PRKCI: variants seen among roughly 807,000 people sequenced by gnomAD.
PRKCI encodes the protein protein kinase C iota.
PRKCI carries 43 observed loss-of-function variants against 84.0 expected under a neutral mutation model. The observed-to-expected ratio is 0.51, with a 90% CI of 0.40 to 0.66. The LOEUF is 0.66. Ranked by LOEUF, PRKCI falls within the 30% of genes least tolerant of loss-of-function variation. The probability of loss-of-function intolerance (pLI) is 0.00; values close to 1 mark genes in which losing one functional copy is unlikely to be tolerated. For synonymous variants in PRKCI, 216 were observed against 234.4 expected, an observed-to-expected ratio of 0.92 and a Z score of 0.72; for missense variants, 459 against 745.6, an observed-to-expected ratio of 0.62 and a Z score of 4.48.
In PRKCI at chr3:170,281,163, T is replaced by C. The variant is rs1734233215; in HGVS notation, c.883-3T>C. On this transcript the variant is annotated splice_region_variant and splice_polypyrimidine_tract_variant and intron_variant, in intron 9 of 17. Coordinates refer to ENST00000295797, the MANE Select transcript of PRKCI (RefSeq NM_002740.6). ...CATAGATTTCTTACATGTTTCAAAA[T>C]AGGATATTGATTGGGTACAGACAGA... 6.2e-7 allele frequency: 1 copy of C among 1,610,966 alleles called. No individual in the cohort carries two copies. Among genetic ancestry groups the C allele is most frequent in the African/African-American group, 1.3e-5 (1 of 74,986 alleles).
intron 2 of PRKCI, among the ~76,000 whole-genome samples, chr3:170,258,857 T>C (rs1733652365): frequency 6.6e-6 from 1 of 152,228 alleles, no homozygotes; most frequent in Non-Finnish European, 1.5e-5. Context: ...ATAAAATGAT[T>C]ACATGGAGAC....
At position 170,270,375 on chromosome 3, in the gene PRKCI, T is replaced by C. The variant is rs555159447; in HGVS notation, c.451-46T>C. On this transcript the variant is annotated intron_variant, in intron 5 of 17. Coordinates refer to ENST00000295797, the MANE Select transcript of PRKCI (RefSeq NM_002740.6). The stretch of plus-strand genomic sequence containing the variant: ...GTCAGCAAACTATTTGGGAAATGGT[T>C]ATGACCTTCTTGGTTAATAAAATAT... 1.4e-5 allele frequency: 21 copies of C among 1,549,162 alleles called. No individual in the cohort carries two copies. The African/African-American group carries it at 2.6e-4, about 19-fold the overall frequency.
chr3:170,234,192 C>G (rs1341343883), intron 1 of PRKCI, among the ~76,000 whole-genome samples: 1 of 151,984 alleles, frequency 6.6e-6, no homozygotes, highest in Non-Finnish European at 1.5e-5. Flanking sequence ...CCACCACACC[C>G]AGCAAATTTT....
At chr3:170,290,206 A>G (rs150538248) in intron 12 of PRKCI, among the ~76,000 whole-genome samples, 151 of 152,274 alleles carry the variant, frequency 9.9e-4, no homozygotes, top group African/African-American at 3.5e-3. Flanking sequence ...ATAGTTGTTA[A>G]TATTAGAAAG....
intron 2 of PRKCI, among the ~76,000 whole-genome samples, chr3:170,239,731 ATGGTAGAG>A (rs900093194): frequency 6.7e-6 from 1 of 148,886 alleles, no homozygotes; most frequent in African/African-American, 2.5e-5. Flanking sequence ...TTTCTCTTGT[ATGGTAGAG>A]TGTTTTTTTT....
chr3:170,230,415 C>T (rs545889064), intron 1 of PRKCI, among the ~76,000 whole-genome samples: 1 of 152,106 alleles, frequency 6.6e-6, no homozygotes, highest in Non-Finnish European at 1.5e-5. Context: ...ACTGCAGCCT[C>T]TGCCTCCTGG....
chr3:170,262,567 G>A (rs1202277240), intron 3 of PRKCI, among the ~76,000 whole-genome samples: 1 of 152,100 alleles, frequency 6.6e-6, no homozygotes, highest in Admixed American at 6.6e-5. Flanking sequence ...TGCAACCTTC[G>A]CCTCCCAGGT....
At chr3:170,235,834 G>A (rs746875615) in intron 2 of PRKCI, among the ~76,000 whole-genome samples, 16 of 152,040 alleles carry the variant, frequency 1.1e-4, no homozygotes, top group Non-Finnish European at 2.2e-4. Flanking sequence ...CAAAGTGCTG[G>A]CATTGCAGGC....
At chr3:170,259,005 A>G (rs1560174342) in intron 2 of PRKCI, among the ~76,000 whole-genome samples, 1 of 152,144 alleles carries the variant, frequency 6.6e-6, no homozygotes, top group Non-Finnish European at 1.5e-5. Flanking sequence ...GTAGCCAGGC[A>G]TGGTGGTGCA....
intron 1 of PRKCI, among the ~76,000 whole-genome samples, chr3:170,233,910 G>C (rs901818617): frequency 6.6e-6 from 1 of 151,794 alleles, no homozygotes; most frequent in Non-Finnish European, 1.5e-5. Context: ...TAGTAGAGAC[G>C]GAGTTTCACT....
At chr3:170,257,305 C>T (rs1442555602) in intron 2 of PRKCI, among the ~76,000 whole-genome samples, 1 of 152,056 alleles carries the variant, frequency 6.6e-6, no homozygotes, top group East Asian at 1.9e-4. Flanking sequence ...AGAGAGATCA[C>T]CTAGAATAAG....
chr3:170,245,949 G>GTTTTTTTTTTTTGTTTGTTTGTT (rs1733266404), intron 2 of PRKCI, among the ~76,000 whole-genome samples: 3 of 82,458 alleles, frequency 3.6e-5, no homozygotes, highest in African/African-American at 1.5e-4. Flanking sequence ...TTATGTCTTT[G>GTTTTTTTTTTTTGTTTGTTTGTT]TTTTTTTTTT....
At chr3:170,243,679 T>G (rs759578730) in intron 2 of PRKCI, among the ~76,000 whole-genome samples, 2 of 152,208 alleles carry the variant, frequency 1.3e-5, no homozygotes, top group Non-Finnish European at 2.9e-5. Context: ...ACAAGGAAGT[T>G]GAGGATCAGG....
At chr3:170,284,371 A>G (rs1468535491) in intron 11 of PRKCI, 90 bp from the exon 12 acceptor site, 23 of 1,141,148 alleles carry the variant, frequency 2.0e-5, no homozygotes, top group Admixed American at 8.2e-5. Flanking sequence ...AGAAAAAAAT[A>G]TGTTTTAATA....
At chr3:170,282,396 G>A (rs1734270023) in intron 11 of PRKCI, among the ~76,000 whole-genome samples, 1 of 152,052 alleles carries the variant, frequency 6.6e-6, no homozygotes, top group African/African-American at 2.4e-5. Context: ...ATACTTGAGA[G>A]TAATTAAACG....
chr3:170,252,852 GT>G (rs1398909828), intron 2 of PRKCI, among the ~76,000 whole-genome samples: 3 of 152,102 alleles, frequency 2.0e-5, no homozygotes, highest in Non-Finnish European at 2.9e-5. Context: ...TGTGAGTATA[GT>G]TTTGTACCCA....
At chr3:170,231,022 T>G (rs1042043793) in intron 1 of PRKCI, among the ~76,000 whole-genome samples, 2 of 149,462 alleles carry the variant, frequency 1.3e-5, no homozygotes, top group South Asian at 2.1e-4. Flanking sequence ...CGCAGTGGCG[T>G]GATCTTGGCT....
intron 8 of PRKCI, among the ~76,000 whole-genome samples, chr3:170,277,311 C>T (rs1428707336): frequency 6.6e-6 from 1 of 151,648 alleles, no homozygotes; most frequent in African/African-American, 2.4e-5. Context: ...GACCTATAAG[C>T]AGCCAACACA....
intron 3 of PRKCI, among the ~76,000 whole-genome samples, chr3:170,262,903 A>G (rs113694798): frequency 0.081 from 11,951 of 147,002 alleles, 1,151 homozygotes; most frequent in African/African-American, 0.23. Context: ...GGGCGCGGTG[A>G]CTCACGCCTG....
Sources: allele counts gnomAD v4.1 joint callset (sites outside exome capture counted in the v4.1 genomes callset), GRCh38; gene constraint gnomAD v4.1.1; transcripts MANE v1.5; gene names NCBI Gene and HGNC (gene_info 2026-07-23, HGNC 2026-07-21).